SELENOI: variants seen among roughly 807,000 people sequenced by gnomAD.
SELENOI encodes the protein selenoprotein I.
A neutral mutation model predicts 50.7 loss-of-function variants in SELENOI; 24 were observed. That is an observed-to-expected ratio of 0.47 (90% CI 0.34 to 0.67). SELENOI has a LOEUF of 0.67. Ranked by LOEUF, SELENOI falls within the 30% of genes least tolerant of loss-of-function variation. The pLI, the probability that SELENOI is intolerant of heterozygous loss-of-function variation, is 0.01. For missense variants in SELENOI, 352 were observed against 461.4 expected (o/e 0.76, Z 2.17); for synonymous variants, 155 against 170.2 (o/e 0.91, Z 0.70).
intron 1 of SELENOI, 140 bp from the exon 2 acceptor site, chr2:26,364,162 A>G: frequency 7.3e-6 from 4 of 550,258 alleles, no homozygotes; most frequent in Non-Finnish European, 1.2e-5. Flanking sequence ...AGTGATCCTC[A>G]GGCCTCAGCC....
intron 3 of SELENOI, among the ~76,000 whole-genome samples, chr2:26,366,845 A>G (rs1286389312): frequency 6.6e-6 from 1 of 152,232 alleles, no homozygotes; most frequent in Non-Finnish European, 1.5e-5. Context: ...AATTCCAAAA[A>G]TATATTATTT....
intron 1 of SELENOI, among the ~76,000 whole-genome samples, chr2:26,350,966 A>G (rs1449552515): frequency 1.3e-5 from 2 of 152,142 alleles, no homozygotes; most frequent in Non-Finnish European, 2.9e-5. Flanking sequence ...CCTACCTTAA[A>G]TGTGCTCAGA....
rs1677931248 is a variant in SELENOI, at chr2:26,390,107, T to C, written c.*1004T>C. Reference sequence around the variant, plus strand: ...GATAAAACAGAGAGAAGTTCTCTCTTCTCCAGCTTGTCCATTTCCCCACTT... The same window carrying C: ...GATAAAACAGAGAGAAGTTCTCTCTCCTCCAGCTTGTCCATTTCCCCACTT... On this transcript the variant is annotated 3_prime_UTR_variant, in exon 10 of 10. Coordinates refer to ENST00000260585, the MANE Select transcript of SELENOI (RefSeq NM_033505.4). 1 of 148,760 alleles carries C rather than the reference T, an allele frequency of 6.7e-6. No individual in the cohort carries two copies. Among genetic ancestry groups the C allele is most frequent in the Admixed American group, 6.9e-5 (1 of 14,584 alleles). 9.2% of individuals were successfully genotyped at this position (148,760 alleles called of 1,614,324 possible).
At chr2:26,387,467 G>A (rs1255821737) in intron 9 of SELENOI, among the ~76,000 whole-genome samples, 1 of 151,944 alleles carries the variant, frequency 6.6e-6, no homozygotes, top group Non-Finnish European at 1.5e-5. Context: ...GAGGCGGGTG[G>A]ATCGCTTTAG....
chr2:26,372,412 G>A, intron 4 of SELENOI, among the ~76,000 whole-genome samples: 1 of 152,032 alleles, frequency 6.6e-6, no homozygotes, highest in Non-Finnish European at 1.5e-5. Flanking sequence ...CACCCGGCCT[G>A]TTCCTTTCTC....
intron 6 of SELENOI, among the ~76,000 whole-genome samples, chr2:26,375,978 C>T (rs996014396): frequency 2.0e-5 from 3 of 151,630 alleles, no homozygotes; most frequent in Non-Finnish European, 4.4e-5. Flanking sequence ...GGTGCGTGCA[C>T]CTGTAATGCT....
At chr2:26,383,576 C>T (rs1461270654) in intron 7 of SELENOI, among the ~76,000 whole-genome samples, 1 of 152,052 alleles carries the variant, frequency 6.6e-6, no homozygotes, top group Non-Finnish European at 1.5e-5. Context: ...GTTTTGGACT[C>T]ATCAAATAGT....
intron 9 of SELENOI, 64 bp downstream of exon 9, chr2:26,386,600 C>T (rs1558423025): frequency 1.1e-5 from 15 of 1,358,264 alleles, no homozygotes; most frequent in African/African-American, 4.5e-5. Context: ...TAAATGCCTC[C>T]GAGTAGAAAG....
chr2:26,395,057 ATTGG>A lies in SELENOI; in HGVS notation c.*5956_*5959del, dbSNP rs1678059052. 1 of 152,240 alleles carries A rather than the reference ATTGG, an allele frequency of 6.6e-6. No homozygotes were observed. Among genetic ancestry groups the A allele is most frequent in the Non-Finnish European group, 1.5e-5 (1 of 68,052 alleles). The allele number at this position is 152,240 out of a possible 1,614,324, so 9.4% of individuals were successfully genotyped here. ...AGTAGTTTAATTGAACATATTAGTCATTGGTCTGTCTGGGACGTGCAGTGTTCAT... is the reference window on the plus strand; with the variant it reads ...AGTAGTTTAATTGAACATATTAGTCATCTGTCTGGGACGTGCAGTGTTCAT... On this transcript the variant is annotated 3_prime_UTR_variant, in exon 10 of 10. Transcript: ENST00000260585.
intron 6 of SELENOI, among the ~76,000 whole-genome samples, chr2:26,376,110 G>T: frequency 7.0e-6 from 1 of 142,308 alleles, no homozygotes; most frequent in South Asian, 2.2e-4. Flanking sequence ...AAAAAAAAAA[G>T]AATAAATAAA....
chr2:26,350,971 C>G (rs1033773920), intron 1 of SELENOI, among the ~76,000 whole-genome samples: 1 of 152,022 alleles, frequency 6.6e-6, no homozygotes, highest in East Asian at 1.9e-4. Flanking sequence ...CTTAAATGTG[C>G]TCAGAACACT....
rs560879580 is a variant in SELENOI, at chr2:26,348,206, G to T, written c.57+1917G>T. Among the ~76,000 whole-genome samples, 34 of 152,178 alleles carry T rather than the reference G, an allele frequency of 2.2e-4. No homozygotes were observed. In the South Asian group the frequency reaches 7.1e-3, roughly 32 times the overall value. On this transcript the variant is annotated intron_variant, in intron 1 of 9. Transcript: ENST00000260585. ...CTTATCGTTGCGTTCCCCTTATGTT[G>T]TCTTCAGATAGTAAGCGCTTTATAA...
Position 26,367,232 on chromosome 2 carries a change from G to C in SELENOI, c.310+12G>C, listed in dbSNP as rs1051078414. On this transcript the variant is annotated intron_variant, in intron 4 of 9. Transcript: ENST00000260585. ...AGCCTACACTCTAGGTAAGGAATTGGTAAATACTTACTATAGTCAGTGACT... is the reference window on the plus strand; with the variant it reads ...AGCCTACACTCTAGGTAAGGAATTGCTAAATACTTACTATAGTCAGTGACT... 1 of 1,596,398 alleles carries C rather than the reference G, an allele frequency of 6.3e-7. No homozygotes were observed. Among genetic ancestry groups the C allele is most frequent in the Admixed American group, 1.7e-5 (1 of 57,930 alleles).
chr2:26,369,925 A>G (rs1186452431), intron 4 of SELENOI, among the ~76,000 whole-genome samples: 2 of 151,446 alleles, frequency 1.3e-5, no homozygotes, highest in Non-Finnish European at 2.9e-5. Flanking sequence ...TGGCAGGGTC[A>G]TAGAACAATA....
chr2:26,386,550 A>G lies in SELENOI; in HGVS notation c.1095+14A>G. On this transcript the variant is annotated intron_variant, in intron 9 of 9. Transcript: ENST00000260585. ...GGAGTACGAGTGGTGAGTAATCTAC[A>G]GCAAAATGGGTTCAATTTGGGGCTT... The G allele has an allele frequency of 1.9e-6, 3 of 1,546,440 alleles. No individual in the cohort carries two copies. The highest frequency in any genetic ancestry group is 1.4e-5 in the African/African-American group (1 of 72,080).
intron 9 of SELENOI, among the ~76,000 whole-genome samples, chr2:26,388,474 C>A (rs1677894856): frequency 1.3e-5 from 2 of 152,292 alleles, no homozygotes; most frequent in South Asian, 4.1e-4. Context: ...TGCTAGGCCA[C>A]ACAAAACATT....
chr2:26,374,335 C>G (rs1304797741), intron 5 of SELENOI, among the ~76,000 whole-genome samples: 1 of 152,116 alleles, frequency 6.6e-6, no homozygotes, highest in Non-Finnish European at 1.5e-5. Flanking sequence ...TATTAACTCT[C>G]CCTGCCTTGA....
intron 1 of SELENOI, among the ~76,000 whole-genome samples, chr2:26,354,099 A>G (rs1394695366): frequency 6.6e-6 from 1 of 152,208 alleles, no homozygotes; most frequent in Non-Finnish European, 1.5e-5. Flanking sequence ...GCAAACATTT[A>G]TATATTGTAT....
In SELENOI at chr2:26,395,253, C is replaced by G. The variant is rs1231076515; in HGVS notation, c.*6150C>G. 1 of 152,196 alleles carries G rather than the reference C, an allele frequency of 6.6e-6. No individual in the cohort carries two copies. The highest frequency in any genetic ancestry group is 1.5e-5 in the Non-Finnish European group (1 of 68,048). 9.4% of individuals were successfully genotyped at this position (152,196 alleles called of 1,614,324 possible). ...ATGGTCAGCCTTTATCAGATAGTTT[C>G]TTCATGTGGAGTTCATCTGCATGTG... is the stretch of plus-strand genomic sequence containing the variant. On this transcript the variant is annotated 3_prime_UTR_variant, in exon 10 of 10. Coordinates refer to ENST00000260585, the MANE Select transcript of SELENOI (RefSeq NM_033505.4).
Sources: allele counts gnomAD v4.1 joint callset (sites outside exome capture counted in the v4.1 genomes callset), GRCh38; gene constraint gnomAD v4.1.1; transcripts MANE v1.5; gene names NCBI Gene and HGNC (gene_info 2026-07-23, HGNC 2026-07-21).